The following LAMA2 variants were observed in gnomAD, a reference collection of about 807,000 sequenced individuals.
LAMA2 encodes the protein laminin subunit alpha-2.
A neutral mutation model predicts 364.8 loss-of-function variants in LAMA2; 269 were observed. The ratio of observed to expected loss-of-function variants is 0.74; its 90% confidence interval spans 0.67 to 0.82. The LOEUF (loss-of-function observed/expected upper bound fraction) is 0.82. LAMA2 is among the 40% of genes least tolerant of loss of function. The pLI, the probability that LAMA2 is intolerant of heterozygous loss-of-function variation, is 0.00. For synonymous variants in LAMA2, 1,379 were observed against 1,370.6 expected, an observed-to-expected ratio of 1.01 and a Z score of -0.14; for missense variants, 3,807 against 3,873.2, an observed-to-expected ratio of 0.98 and a Z score of 0.45.
intron 1 of LAMA2, among the ~76,000 whole-genome samples, chr6:129,027,039 A>AT (rs1785873819): frequency 6.6e-6 from 1 of 152,098 alleles, no homozygotes; most frequent in African/African-American, 2.4e-5. Flanking sequence ...AAAGAAAAAA[A>AT]GCAATACCTA....
chr6:129,069,111 T>TA lies in LAMA2; in HGVS notation c.396+9224dup, dbSNP rs532657170. ...GGAATAAATTAGATGATTGTTTATT[T>TA]AAAAAAAAAGAACAATAATACATAG... On this transcript the variant is annotated intron_variant, in intron 3 of 64. Coordinates refer to ENST00000421865, the MANE Select transcript of LAMA2 (RefSeq NM_000426.4). Among the ~76,000 whole-genome samples, 9 of 150,948 alleles carry TA rather than the reference T, an allele frequency of 6.0e-5. No homozygotes were observed. The East Asian group carries it at 9.7e-4, about 16-fold the overall frequency.
At chr6:128,892,853 C>T (rs1416015787) in intron 1 of LAMA2, among the ~76,000 whole-genome samples, 1 of 151,544 alleles carries the variant, frequency 6.6e-6, no homozygotes, top group African/African-American at 2.4e-5. Context: ...TTAAAAAAAC[C>T]ACCAAAAAAC....
chr6:129,206,442 C>A (rs1782683516), intron 12 of LAMA2, among the ~76,000 whole-genome samples: 2 of 152,250 alleles, frequency 1.3e-5, no homozygotes, highest in South Asian at 4.1e-4. Flanking sequence ...TATTGCTTTT[C>A]TATTCTAAGC....
intron 7 of LAMA2, 31 bp downstream of exon 7, chr6:129,149,127 C>A: frequency 1.5e-6 from 2 of 1,302,000 alleles, no homozygotes; most frequent in South Asian, 2.4e-5. Context: ...CAAAATATGT[C>A]ATTCTTCCTT....
In LAMA2 at chr6:129,105,463, T is replaced by C. The variant is rs117665543; in HGVS notation, c.639+7048T>C. ...TCCTGAGACCAGAACTTTTAATTCA[T>C]TATATTTGTCAGAGGCTCATTAAGC... On this transcript the variant is annotated intron_variant, in intron 4 of 64. Transcript: ENST00000421865. Among the ~76,000 whole-genome samples, 17 of 152,322 alleles carry C rather than the reference T, an allele frequency of 1.1e-4. No homozygotes were observed. The East Asian group carries it at 3.3e-3, about 29-fold the overall frequency.
chr6:129,461,584 T>C (rs1409248075), intron 49 of LAMA2, among the ~76,000 whole-genome samples: 1 of 152,042 alleles, frequency 6.6e-6, no homozygotes, highest in Non-Finnish European at 1.5e-5. Context: ...AAGCGTTTCT[T>C]TGGTAAACTT....
chr6:128,951,364 C>G (rs890748698), intron 1 of LAMA2, among the ~76,000 whole-genome samples: 2 of 152,004 alleles, frequency 1.3e-5, no homozygotes, highest in African/African-American at 2.4e-5. Context: ...GTAACTGTTA[C>G]TAAAAGGAAG....
At chr6:128,990,555 G>A (rs115708151) in intron 1 of LAMA2, among the ~76,000 whole-genome samples, 3,168 of 152,268 alleles carry the variant, frequency 0.021, 114 homozygotes, top group African/African-American at 0.071. Context: ...GCCCTATAGA[G>A]TTTTGTGTCT....
intron 34 of LAMA2, among the ~76,000 whole-genome samples, chr6:129,373,156 A>G (rs775871383): frequency 2.0e-5 from 3 of 152,178 alleles, no homozygotes; most frequent in African/African-American, 7.2e-5. Context: ...CAGCTTATCA[A>G]TTAGGTTTCT....
At chr6:129,234,247 A>G (rs909138293) in intron 12 of LAMA2, among the ~76,000 whole-genome samples, 1 of 152,220 alleles carries the variant, frequency 6.6e-6, no homozygotes, top group African/African-American at 2.4e-5. Context: ...TTGTAATTAG[A>G]AAAGCCTCCA....
chr6:129,359,858 TG>T (rs1216818798), intron 32 of LAMA2, among the ~76,000 whole-genome samples: 1 of 152,090 alleles, frequency 6.6e-6, no homozygotes, highest in African/African-American at 2.4e-5. Flanking sequence ...TTATTATGCA[TG>T]GGGAATCCTG....
chr6:129,464,054 G>A (rs1226161229), intron 49 of LAMA2, among the ~76,000 whole-genome samples: 1 of 151,732 alleles, frequency 6.6e-6, no homozygotes, highest in Non-Finnish European at 1.5e-5. Context: ...AAAACATAAA[G>A]CACTTAAAAA....
chr6:128,946,633 CTT>C (rs1234050356), intron 1 of LAMA2, among the ~76,000 whole-genome samples: 1 of 152,188 alleles, frequency 6.6e-6, no homozygotes, highest in East Asian at 1.9e-4. Context: ...AAATCCTCAA[CTT>C]TTTCTCTTCA....
intron 4 of LAMA2, among the ~76,000 whole-genome samples, chr6:129,100,991 C>G (rs1775487881): frequency 1.3e-5 from 2 of 152,162 alleles, no homozygotes; most frequent in Non-Finnish European, 2.9e-5. Context: ...GACAAAGTAG[C>G]TGTGGAATAA....
At position 129,291,662 on chromosome 6, in the gene LAMA2, A is replaced by G; in HGVS notation, c.2798A>G (p.Gln933Arg). 6.2e-7 allele frequency: 1 copy of G among 1,614,200 alleles called. No individual in the cohort carries two copies. The highest frequency in any genetic ancestry group is 8.5e-7 in the Non-Finnish European group (1 of 1,180,030). Residue 933 changes from glutamine (Q) to arginine (R), a missense_variant, in exon 20 of 65, where the codon CAA (glutamine) becomes CGA (arginine). By Grantham distance (43) the Gln-to-Arg change is conservative. Around this residue, in one of 3 missense-constraint regions of LAMA2, gnomAD observed 3,333 missense variants for 3,345.7 expected, o/e 1.00. Coordinates refer to ENST00000421865, the MANE Select transcript of LAMA2 (RefSeq NM_000426.4). ...TCTTTCTCTGAGGTTTGCCACAGTC[A>G]AACTGGACAGTGTGAGTGCAGAGCC... is the stretch of plus-strand genomic sequence containing the variant. ...GGSFSEVCHS[Q>R]TGQCECRANV...
chr6:128,918,956 A>G (rs1042174294), intron 1 of LAMA2, among the ~76,000 whole-genome samples: 1 of 152,194 alleles, frequency 6.6e-6, no homozygotes, highest in African/African-American at 2.4e-5. Flanking sequence ...CAACGTAGGT[A>G]ATATATTGTG....
At chr6:129,326,358 G>A (rs543299340) in intron 28 of LAMA2, among the ~76,000 whole-genome samples, 3 of 152,198 alleles carry the variant, frequency 2.0e-5, no homozygotes, top group South Asian at 2.1e-4. Flanking sequence ...GCTGCCTGTC[G>A]GGGAAAACCA....
chr6:129,322,442 T>C (rs1775024737), intron 28 of LAMA2, among the ~76,000 whole-genome samples: 1 of 152,196 alleles, frequency 6.6e-6, no homozygotes, highest in African/African-American at 2.4e-5. Context: ...TGTGAGATTT[T>C]TCTAGACAAG....
intron 12 of LAMA2, among the ~76,000 whole-genome samples, chr6:129,243,375 T>A (rs1404387052): frequency 1.3e-5 from 2 of 152,106 alleles, no homozygotes; most frequent in Non-Finnish European, 2.9e-5. Context: ...CTTTTTCCCC[T>A]TGCCAATCAA....
Sources: gnomAD v4.1 joint callset for allele counts (sites outside exome capture counted in the v4.1 genomes callset) on GRCh38, gnomAD v4.1.1 for gene constraint, gnomAD v4.1.1 regional missense constraint, MANE v1.5 for transcripts, NCBI Gene and HGNC (gene_info 2026-07-23, HGNC 2026-07-21) for gene names.